The following CCDC152 variants were observed in gnomAD, a reference collection of about 807,000 sequenced individuals.
The protein encoded by CCDC152 is coiled-coil domain containing 152, also known as coiled-coil domain-containing protein 152.
In CCDC152, 37 loss-of-function variants were observed where a neutral mutation model predicts 38.1. The observed-to-expected ratio is 0.97, with a 90% CI of 0.75 to 1.28. The LOEUF is 1.28. CCDC152 is among the 50% of genes most tolerant of loss of function. The pLI, the probability that CCDC152 is intolerant of heterozygous loss-of-function variation, is 0.00. For missense variants in CCDC152, 259 were observed against 292.1 expected, an observed-to-expected ratio of 0.89 and a Z score of 0.83; for synonymous variants, 83 against 87.1, an observed-to-expected ratio of 0.95 and a Z score of 0.26.
At chr5:42,794,586 C>A (rs773247515) in intron 6 of CCDC152, among the ~76,000 whole-genome samples, 1 of 152,186 alleles carries the variant, frequency 6.6e-6, no homozygotes, top group African/African-American at 2.4e-5. Flanking sequence ...TGAAACACTG[C>A]CCAGCATCCT....
intron 3 of CCDC152, among the ~76,000 whole-genome samples, chr5:42,765,837 A>G (rs1024757653): frequency 6.6e-6 from 1 of 152,210 alleles, no homozygotes; most frequent in Admixed American, 6.5e-5. Flanking sequence ...GAGATTCTCC[A>G]GGACATTGGT....
Position 42,759,166 on chromosome 5 carries a change from G to C in CCDC152, c.45G>C (p.Val15=). 1 of 1,551,034 alleles carries C rather than the reference G, an allele frequency of 6.4e-7. No homozygotes were observed. The highest frequency in any genetic ancestry group is 1.2e-5 in the South Asian group (1 of 83,922). ...SEGCMKKISS[V]NLDKLINDFS... is the part of the protein sequence containing the mutation. ...GATGTATGAAAAAGATTAGCAGTGT[G>C]AATCTTGACAAACTTATAAATGACT... Residue 15 remains valine (V), a synonymous_variant, in exon 2 of 9, where the codon GTG becomes GTC. Coordinates refer to ENST00000361970, the MANE Select transcript of CCDC152 (RefSeq NM_001134848.2).
chr5:42,772,411 C>G (rs1414882602), intron 4 of CCDC152, among the ~76,000 whole-genome samples: 3 of 152,066 alleles, frequency 2.0e-5, no homozygotes, highest in Non-Finnish European at 4.4e-5. Flanking sequence ...TTAAAATAGC[C>G]TTTCTTGGCC....
At chr5:42,766,294 G>A (rs551941755) in intron 3 of CCDC152, among the ~76,000 whole-genome samples, 1 of 152,132 alleles carries the variant, frequency 6.6e-6, no homozygotes, top group Non-Finnish European at 1.5e-5. Context: ...GGAGAGAAGG[G>A]AACCCTCGTA....
intron 6 of CCDC152, among the ~76,000 whole-genome samples, chr5:42,784,786 G>T (rs4866959): frequency 0.26 from 39,394 of 151,850 alleles, 5,706 homozygotes; most frequent in Admixed American, 0.38. Flanking sequence ...GTATGGTAAG[G>T]GATGGAGGTC....
chr5:42,796,336 T>C (rs1024446206), intron 6 of CCDC152, among the ~76,000 whole-genome samples: 5 of 151,824 alleles, frequency 3.3e-5, no homozygotes, highest in Non-Finnish European at 5.9e-5. Flanking sequence ...TAAAAGATTT[T>C]CTTGAGCCTC....
At chr5:42,793,042 C>G (rs1052010125) in intron 6 of CCDC152, among the ~76,000 whole-genome samples, 1 of 152,202 alleles carries the variant, frequency 6.6e-6, no homozygotes, top group Admixed American at 6.5e-5. Flanking sequence ...CAAACCTGGA[C>G]TCTAGCAAAT....
chr5:42,798,449 C>T (rs1760109483), intron 7 of CCDC152, among the ~76,000 whole-genome samples: 1 of 152,174 alleles, frequency 6.6e-6, no homozygotes, highest in Non-Finnish European at 1.5e-5. Flanking sequence ...ATACCCTTTG[C>T]TGCTGGTGCT....
At chr5:42,767,015 A>G (rs972007854) in intron 3 of CCDC152, among the ~76,000 whole-genome samples, 7 of 152,172 alleles carry the variant, frequency 4.6e-5, no homozygotes, top group Non-Finnish European at 1.0e-4. Context: ...AAAACATCTC[A>G]TGTACCCCAT....
rs1328039572 is a variant in CCDC152 at position 42,761,778 on chromosome 5, A to ATTG, written c.88-662_88-660dup. ...AATATTTTGGAAACATATATAAGGAATTGTTAACCATGGGACTGAGAGTTG... is the reference window on the plus strand; with the variant it reads ...AATATTTTGGAAACATATATAAGGAATTGTTGTTAACCATGGGACTGAGAGTTG... On this transcript the variant is annotated intron_variant, in intron 2 of 8. Coordinates refer to ENST00000361970, the MANE Select transcript of CCDC152 (RefSeq NM_001134848.2). Among the ~76,000 whole-genome samples, 3 of 152,338 alleles carry ATTG rather than the reference A, an allele frequency of 2.0e-5. No homozygotes were observed. The East Asian group carries it at 5.8e-4, about 29-fold the overall frequency.
chr5:42,785,234 G>A (rs1759902889), intron 6 of CCDC152, among the ~76,000 whole-genome samples: 1 of 152,120 alleles, frequency 6.6e-6, no homozygotes, highest in East Asian at 1.9e-4. Flanking sequence ...CCATGAGCAT[G>A]GAATGCTTTT....
chr5:42,765,289 T>G (rs1759609608), intron 3 of CCDC152, among the ~76,000 whole-genome samples: 1 of 152,130 alleles, frequency 6.6e-6, no homozygotes, highest in African/African-American at 2.4e-5. Context: ...GGAAAAATAT[T>G]CCATGTTCTT....
intron 6 of CCDC152, among the ~76,000 whole-genome samples, chr5:42,790,128 C>G (rs1197133433): frequency 6.6e-6 from 1 of 152,100 alleles, no homozygotes; most frequent in Non-Finnish European, 1.5e-5. Context: ...AGTCAAACAA[C>G]TCAACAAGGA....
In CCDC152 at chr5:42,798,875, C is replaced by T. The variant is rs150122220; in HGVS notation, c.559-500C>T. On this transcript the variant is annotated intron_variant, in intron 7 of 8. Coordinates refer to ENST00000361970, the MANE Select transcript of CCDC152 (RefSeq NM_001134848.2). ...AAACCAGCAAGGGTTCAAACTATAT[C>T]GACAAGATCGTATTCAAATTCTACT... Among the ~76,000 whole-genome samples, 206 of 152,292 alleles carry T rather than the reference C, an allele frequency of 1.4e-3. 1 individual carries two copies. The highest frequency in any genetic ancestry group is 4.7e-3 in the African/African-American group (196 of 41,574).
intron 1 of CCDC152, 55 bp from the exon 2 acceptor site, chr5:42,759,065 G>T: frequency 8.2e-7 from 1 of 1,225,342 alleles, no homozygotes; most frequent in South Asian, 1.4e-5. Flanking sequence ...ACACTATTGT[G>T]GTGCTTTAGA....
Position 42,799,358 on chromosome 5 carries a change from T to G in CCDC152, c.559-17T>G, listed in dbSNP as rs1407138756. 3 of 1,369,700 alleles carry G rather than the reference T, an allele frequency of 2.2e-6. No individual in the cohort carries two copies. In the East Asian group the frequency reaches 7.6e-5, roughly 35 times the overall value. 84.8% of individuals were successfully genotyped at this position (1,369,700 alleles called of 1,614,324 possible). On this transcript the variant is annotated splice_polypyrimidine_tract_variant and intron_variant, in intron 7 of 8. Coordinates refer to ENST00000361970, the MANE Select transcript of CCDC152 (RefSeq NM_001134848.2). ...ATTGTCTAGAGTTTCAATAACTTTCTTTTCAATTTGATTCAGTTTGATGCC... is the reference window on the plus strand; with the variant it reads ...ATTGTCTAGAGTTTCAATAACTTTCGTTTCAATTTGATTCAGTTTGATGCC...
intron 6 of CCDC152, among the ~76,000 whole-genome samples, chr5:42,786,068 T>C (rs930154843): frequency 6.6e-6 from 1 of 152,002 alleles, no homozygotes. Context: ...ATTGGCCTGT[T>C]GTTTTATTTT....
At chr5:42,768,253 A>C (rs1317547314) in intron 3 of CCDC152, among the ~76,000 whole-genome samples, 1 of 152,150 alleles carries the variant, frequency 6.6e-6, no homozygotes, top group Non-Finnish European at 1.5e-5. Context: ...GAGATTCCCT[A>C]CTTACCCCTT....
In CCDC152 at chr5:42,801,079, T is replaced by C; in HGVS notation, c.*1298T>C. ...TCTTGTAAATCTTCACTTGCTGGCA[T>C]ATCTCGGTTCTCTGGGTGACCCTGC... is the stretch of plus-strand genomic sequence containing the variant. On this transcript the variant is annotated 3_prime_UTR_variant, in exon 9 of 9. Transcript: ENST00000361970. 1.2e-6 allele frequency: 2 copies of C among 1,614,232 alleles called. No homozygotes were observed. Among genetic ancestry groups the C allele is most frequent in the Non-Finnish European group, 1.7e-6 (2 of 1,180,030 alleles).
Sources: allele counts gnomAD v4.1 joint callset (sites outside exome capture counted in the v4.1 genomes callset), GRCh38; gene constraint gnomAD v4.1.1; transcripts MANE v1.5; gene names NCBI Gene and HGNC (gene_info 2026-07-23, HGNC 2026-07-21).